Variants in DIP2C observed in about 807,000 individuals in gnomAD.
DIP2C encodes the protein DIP2 acetate--CoA ligase C (putative).
A neutral mutation model predicts 192.4 loss-of-function variants in DIP2C; 33 were observed. That is an observed-to-expected ratio of 0.17 (90% CI 0.13 to 0.23). DIP2C has a LOEUF of 0.23. DIP2C is among the 10% of genes least tolerant of loss of function. The pLI is 1.00. For synonymous variants in DIP2C, 979 were observed against 864.1 expected (o/e 1.13, Z -2.33); for missense variants, 1,537 against 2,110.1 (o/e 0.73, Z 5.32).
At chr10:579,949 C>T (rs942074864) in intron 1 of DIP2C, among the ~76,000 whole-genome samples, 5 of 151,602 alleles carry the variant, frequency 3.3e-5, no homozygotes, top group Non-Finnish European at 5.9e-5. Flanking sequence ...CATGTATGTA[C>T]ATGAATAAAG....
chr10:411,273 CCA>C (rs1965167253), intron 8 of DIP2C, among the ~76,000 whole-genome samples: 1 of 152,242 alleles, frequency 6.6e-6, no homozygotes, highest in East Asian at 1.9e-4. Flanking sequence ...CTCCAGAAAT[CCA>C]CAGAGGAGGC....
At chr10:377,508 GTAGT>G (rs1394706084) in intron 17 of DIP2C, among the ~76,000 whole-genome samples, 1 of 152,238 alleles carries the variant, frequency 6.6e-6, no homozygotes, top group Non-Finnish European at 1.5e-5. Context: ...AAACTACTCT[GTAGT>G]TAGAGAATTG....
intron 1 of DIP2C, among the ~76,000 whole-genome samples, chr10:607,230 C>G (rs1321339573): frequency 6.6e-6 from 1 of 152,236 alleles, no homozygotes; most frequent in Non-Finnish European, 1.5e-5. Context: ...CCAGTGAGAA[C>G]TGACCTGCCT....
intron 29 of DIP2C, among the ~76,000 whole-genome samples, chr10:337,314 T>TTCTGTGGAGGCCTAG: frequency 8.0e-6 from 1 of 125,024 alleles, no homozygotes; most frequent in South Asian, 2.8e-4. Context: ...TGTGTGTGTG[T>TTCTGTGGAGGCCTAG]GCACGTGTGT....
At chr10:437,015 C>T (rs1434016784) in intron 4 of DIP2C, among the ~76,000 whole-genome samples, 1 of 141,774 alleles carries the variant, frequency 7.1e-6, no homozygotes, top group Non-Finnish European at 1.5e-5. Context: ...CCACCCACAC[C>T]TGAGCTCTCT....
Position 382,769 on chromosome 10 carries a change from G to A in DIP2C, c.1877-8C>T. On this transcript the variant is annotated splice_polypyrimidine_tract_variant and splice_region_variant and intron_variant, in intron 16 of 36. Coordinates refer to ENST00000280886, the MANE Select transcript of DIP2C (RefSeq NM_014974.3). ...CGCAAGAAGAAATAGACCCTAGAGT[G>A]AAAGAGGGACAATGATCAGACAGCT... The A allele has an allele frequency of 6.3e-7, 1 of 1,585,390 alleles. No individual in the cohort carries two copies. The highest frequency in any genetic ancestry group is 8.6e-7 in the Non-Finnish European group (1 of 1,158,700).
chr10:636,024 A>C lies in DIP2C; in HGVS notation c.85+53470T>G, dbSNP rs1275663914. Among the ~76,000 whole-genome samples the C allele has an allele frequency of 1.3e-5, 2 of 152,210 alleles. No homozygotes were observed. The highest frequency in any genetic ancestry group is 2.9e-5 in the Non-Finnish European group (2 of 68,034). Reference sequence around the variant, plus strand: ...TGAGGCAGGCAGTGCTCATCTCAAAACTGTACAAGTGGTTTCTTTAGCCAG... The same window carrying C: ...TGAGGCAGGCAGTGCTCATCTCAAACCTGTACAAGTGGTTTCTTTAGCCAG... On this transcript the variant is annotated intron_variant, in intron 1 of 36. Coordinates refer to ENST00000280886, the MANE Select transcript of DIP2C (RefSeq NM_014974.3). This position sits in a 1 kb window ranked among gnomAD's most constrained non-coding sequence, Gnocchi z 4.6.
At position 389,938 on chromosome 10, in the gene DIP2C, C is replaced by T. The variant is rs965872924; in HGVS notation, c.1597+53G>A. On this transcript the variant is annotated intron_variant, in intron 13 of 36. Coordinates refer to ENST00000280886, the MANE Select transcript of DIP2C (RefSeq NM_014974.3). ...CGTGGGAGTGATGTGGCCTTCGTGTCAGGTGTCCCGGTTAGAACCAGGGTC... is the reference window on the plus strand; with the variant it reads ...CGTGGGAGTGATGTGGCCTTCGTGTTAGGTGTCCCGGTTAGAACCAGGGTC... The T allele has an allele frequency of 9.0e-6, 13 of 1,437,658 alleles. No individual in the cohort carries two copies. The Middle Eastern group carries it at 6.0e-4, about 66-fold the overall frequency. The allele number at this position is 1,437,658 out of a possible 1,614,324, so 89.1% of individuals were successfully genotyped here. A position where few individuals can be genotyped will look rare whatever the true frequency, so the allele number is the denominator to read the frequency against.
chr10:474,669 G>A (rs1970919063), intron 2 of DIP2C, among the ~76,000 whole-genome samples: 1 of 152,220 alleles, frequency 6.6e-6, no homozygotes, highest in South Asian at 2.1e-4. Context: ...GGAAGAACCA[G>A]AAGGAACACT....
intron 31 of DIP2C, among the ~76,000 whole-genome samples, chr10:318,927 A>T (rs959066211): frequency 6.7e-6 from 1 of 149,390 alleles, no homozygotes; most frequent in Admixed American, 6.7e-5. Context: ...TTTTTTATAC[A>T]GAGTCTGGCT....
chr10:670,172 G>A (rs1418273119), intron 1 of DIP2C, among the ~76,000 whole-genome samples: 7 of 151,928 alleles, frequency 4.6e-5, no homozygotes, highest in Non-Finnish European at 1.0e-4. Flanking sequence ...GCACATGCAT[G>A]AACATGTACA....
intron 1 of DIP2C, among the ~76,000 whole-genome samples, chr10:634,512 C>A (rs1015194901): frequency 6.6e-6 from 1 of 152,214 alleles, no homozygotes; most frequent in African/African-American, 2.4e-5. Context: ...CAGTACTACA[C>A]TGAAATTAGT....
intron 31 of DIP2C, among the ~76,000 whole-genome samples, chr10:315,249 A>G (rs1956727238): frequency 6.6e-6 from 1 of 152,240 alleles, no homozygotes. Flanking sequence ...CTTTTAAAAC[A>G]AACTAAAAAT....
intron 1 of DIP2C, among the ~76,000 whole-genome samples, chr10:537,959 T>C (rs1847784559): frequency 6.6e-6 from 1 of 151,968 alleles, no homozygotes; most frequent in Non-Finnish European, 1.5e-5. Flanking sequence ...CTGGCTATTT[T>C]TTGTATTTTT....
rs1967661899 is a variant in DIP2C, at chr10:440,795, C to G, written c.394+76G>C. 8 of 1,510,650 alleles carry G rather than the reference C, an allele frequency of 5.3e-6. 1 individual carries two copies. The South Asian group carries it at 1.1e-4, about 20-fold the overall frequency. 93.6% of individuals were successfully genotyped at this position (1,510,650 alleles called of 1,614,324 possible). ...GCTTCATTATTTTGAAAGCAAAAACCCCTGATTGCTGGGCTAGGTCAATTC... is the reference window on the plus strand; with the variant it reads ...GCTTCATTATTTTGAAAGCAAAAACGCCTGATTGCTGGGCTAGGTCAATTC... On this transcript the variant is annotated intron_variant, in intron 4 of 36. Transcript: ENST00000280886.
intron 9 of DIP2C, among the ~76,000 whole-genome samples, chr10:402,480 G>A (rs1589712978): frequency 6.2e-5 from 1 of 16,244 alleles, no homozygotes; most frequent in African/African-American, 6.9e-5. Flanking sequence ...GATTTTACAC[G>A]TGTGGTAGCA....
At chr10:573,975 C>T (rs1033915681) in intron 1 of DIP2C, among the ~76,000 whole-genome samples, 3 of 152,192 alleles carry the variant, frequency 2.0e-5, no homozygotes, top group Non-Finnish European at 2.9e-5. Context: ...ACGTTCTGAA[C>T]GGTCCTCCCT....
chr10:528,685 G>A (rs944176097), intron 1 of DIP2C, among the ~76,000 whole-genome samples: 5 of 152,130 alleles, frequency 3.3e-5, no homozygotes, highest in African/African-American at 1.2e-4. Flanking sequence ...CCTCTCCTCC[G>A]GGAGCACGTG....
chr10:546,437 C>T (rs2099204925), intron 1 of DIP2C, among the ~76,000 whole-genome samples: 1 of 152,216 alleles, frequency 6.6e-6, no homozygotes, highest in Admixed American at 6.5e-5. Flanking sequence ...CTCTGCACCT[C>T]GGACAGCAGG....
Sources: allele counts gnomAD v4.1 joint callset (sites outside exome capture counted in the v4.1 genomes callset), GRCh38; gene constraint gnomAD v4.1.1; non-coding constraint Gnocchi (gnomAD v3.1); transcripts MANE v1.5; gene names NCBI Gene and HGNC (gene_info 2026-07-23, HGNC 2026-07-21).